SYT16: variants seen among roughly 807,000 people sequenced by gnomAD.
SYT16 encodes the protein synaptotagmin 16, also known as synaptotagmin-16.
SYT16 carries 42 observed loss-of-function variants against 61.4 expected under a neutral mutation model. That is an observed-to-expected ratio of 0.68 (90% CI 0.53 to 0.89). SYT16 has a LOEUF of 0.89. Among genes scored for constraint, SYT16 ranks in the 40% least tolerant of loss-of-function variants. The probability of loss-of-function intolerance (pLI) is 0.00; values close to 1 mark genes in which losing one functional copy is unlikely to be tolerated. For missense variants in SYT16, 804 were observed against 807.3 expected (o/e 1.00, Z 0.05); for synonymous variants, 314 against 302.3 (o/e 1.04, Z -0.40).
rs79106700 is a variant in SYT16 at position 62,023,449 on chromosome 14, A to G, written c.523+26907A>G. On this transcript the variant is annotated intron_variant, in intron 3 of 7. Coordinates refer to ENST00000683842, the MANE Select transcript of SYT16 (RefSeq NM_001367656.1). ...CCAGCTGCCAGCTTAGGAATTGGCCAACAACTTGGGGGAAATTTTTACTCA... is the reference window on the plus strand; with the variant it reads ...CCAGCTGCCAGCTTAGGAATTGGCCGACAACTTGGGGGAAATTTTTACTCA... Among the ~76,000 whole-genome samples the G allele has an allele frequency of 6.7e-3, 1,025 of 152,234 alleles. 15 individuals carry two copies. Among genetic ancestry groups the G allele is most frequent in the African/African-American group, 0.022 (917 of 41,552 alleles).
At chr14:61,891,448 G>A (rs1354317484) in intron 1 of SYT16, among the ~76,000 whole-genome samples, 2 of 152,160 alleles carry the variant, frequency 1.3e-5, no homozygotes, top group African/African-American at 4.8e-5. Flanking sequence ...GTTGACTCAT[G>A]TTGGATGATT....
In SYT16 at chr14:62,078,376, G is replaced by A. The variant is rs147138837; in HGVS notation, c.994-2458G>A. ...TGTCTGGGAATTTGATCTGGGCTTG[G>A]GGGGAGAGAGCGTGTTAGTTATTTA... On this transcript the variant is annotated intron_variant, in intron 5 of 7. Transcript: ENST00000683842. Among the ~76,000 whole-genome samples, 678 of 152,160 alleles carry A rather than the reference G, an allele frequency of 4.5e-3. 12 individuals are homozygous for A. The highest frequency in any genetic ancestry group is 0.015 in the African/African-American group (632 of 41,488).
chr14:62,106,417 G>A lies in SYT16; in HGVS notation c.*5710G>A, dbSNP rs1447051494. The A allele has an allele frequency of 6.6e-6, 1 of 152,132 alleles. No individual in the cohort carries two copies. Among genetic ancestry groups the A allele is most frequent in the Non-Finnish European group, 1.5e-5 (1 of 68,036 alleles). The allele number at this position is 152,132 out of a possible 1,614,324, so 9.4% of individuals were successfully genotyped here. The stretch of plus-strand genomic sequence containing the variant: ...GGTTGCATTATATGGGAAATTGGTG[G>A]GGATGGGGGTGTCATAGAATCATCA... On this transcript the variant is annotated 3_prime_UTR_variant, in exon 8 of 8. Coordinates refer to ENST00000683842, the MANE Select transcript of SYT16 (RefSeq NM_001367656.1).
At chr14:61,904,132 C>A (rs1458971155) in intron 1 of SYT16, among the ~76,000 whole-genome samples, 1 of 152,192 alleles carries the variant, frequency 6.6e-6, no homozygotes, top group Non-Finnish European at 1.5e-5. Context: ...TAACCAATAA[C>A]CTCTGGATAC....
intron 3 of SYT16, among the ~76,000 whole-genome samples, chr14:61,997,943 C>T (rs1313338693): frequency 6.6e-6 from 1 of 151,970 alleles, no homozygotes; most frequent in Non-Finnish European, 1.5e-5. Flanking sequence ...AGGGACCATG[C>T]CATAGATTCA....
At chr14:61,899,755 T>G (rs747152885) in intron 1 of SYT16, among the ~76,000 whole-genome samples, 7 of 152,084 alleles carry the variant, frequency 4.6e-5, no homozygotes, top group Non-Finnish European at 1.0e-4. Context: ...TGGGGAGCAA[T>G]TGGGCTCAGA....
chr14:61,949,926 C>G (rs2050603324), intron 1 of SYT16, among the ~76,000 whole-genome samples: 1 of 152,122 alleles, frequency 6.6e-6, no homozygotes, highest in African/African-American at 2.4e-5. Flanking sequence ...TAACACGGTG[C>G]CTGCAAAGCA....
chr14:61,905,285 G>T (rs928583963), intron 1 of SYT16, among the ~76,000 whole-genome samples: 10 of 151,794 alleles, frequency 6.6e-5, no homozygotes, highest in African/African-American at 2.4e-4. Context: ...TAAAACCTTT[G>T]TGTGAATGGA....
intron 3 of SYT16, among the ~76,000 whole-genome samples, chr14:62,001,964 C>A (rs2053036097): frequency 6.6e-6 from 1 of 152,096 alleles, no homozygotes; most frequent in South Asian, 2.1e-4. Context: ...CTCATCACTT[C>A]ATGTACATTC....
intron 1 of SYT16, among the ~76,000 whole-genome samples, chr14:61,901,350 C>A (rs1191917288): frequency 1.3e-5 from 2 of 152,150 alleles, no homozygotes; most frequent in East Asian, 3.8e-4. Flanking sequence ...TAATTACTTT[C>A]TATATATTCA....
At chr14:62,031,176 C>A (rs545317370) in intron 3 of SYT16, among the ~76,000 whole-genome samples, 3 of 152,134 alleles carry the variant, frequency 2.0e-5, no homozygotes, top group Non-Finnish European at 4.4e-5. Flanking sequence ...AAATGGAAGG[C>A]CACAATGCAT....
chr14:62,027,079 C>G (rs115496244), intron 3 of SYT16, among the ~76,000 whole-genome samples: 1,669 of 152,188 alleles, frequency 0.011, 37 homozygotes, highest in African/African-American at 0.038. Context: ...GTAAAACTAA[C>G]TTCTCTGTCA....
chr14:61,813,576 C>T (rs952581982), intron 1 of SYT16, among the ~76,000 whole-genome samples: 2 of 152,156 alleles, frequency 1.3e-5, no homozygotes, highest in African/African-American at 2.4e-5. Flanking sequence ...GTCCCTAGCA[C>T]AGGTGTGGCG....
At chr14:61,844,809 A>C (rs1303024033) in intron 1 of SYT16, among the ~76,000 whole-genome samples, 1 of 152,122 alleles carries the variant, frequency 6.6e-6, no homozygotes, top group Non-Finnish European at 1.5e-5. Context: ...GGACCTTTGC[A>C]TCAATATTCA....
At chr14:62,023,951 C>T (rs770631184) in intron 3 of SYT16, among the ~76,000 whole-genome samples, 13 of 151,856 alleles carry the variant, frequency 8.6e-5, no homozygotes, top group Non-Finnish European at 1.8e-4. Context: ...TATCAATTTC[C>T]CATAAAAACC....
chr14:61,856,928 C>G lies in SYT16; in HGVS notation c.-325+44118C>G, dbSNP rs373772429. Among the ~76,000 whole-genome samples, 127 of 152,108 alleles carry G rather than the reference C, an allele frequency of 8.3e-4. 4 individuals are homozygous for G. In the South Asian group the frequency reaches 0.025, roughly 30 times the overall value. ...ACACGATATTTAATATCCTAGAAGC[C>G]AAGAAAAATCTGCTTCAAAAAAGAG... On this transcript the variant is annotated intron_variant, in intron 1 of 7. Transcript: ENST00000683842.
intron 3 of SYT16, among the ~76,000 whole-genome samples, chr14:62,035,324 T>C (rs2054466135): frequency 6.6e-6 from 1 of 152,246 alleles, no homozygotes. Flanking sequence ...TTTCTATTTG[T>C]GCTGTGTACT....
chr14:61,987,304 A>G (rs1200828794), intron 2 of SYT16, among the ~76,000 whole-genome samples: 1 of 152,166 alleles, frequency 6.6e-6, no homozygotes, highest in Non-Finnish European at 1.5e-5. Flanking sequence ...GATGGAACCA[A>G]CCAGGGATGG....
At chr14:62,076,505 C>T (rs972057499) in intron 5 of SYT16, among the ~76,000 whole-genome samples, 1 of 151,396 alleles carries the variant, frequency 6.6e-6, no homozygotes, top group African/African-American at 2.4e-5. Context: ...AACATGTTGG[C>T]GTGTGTAGGT....
Sources: gnomAD v4.1 joint callset for allele counts (sites outside exome capture counted in the v4.1 genomes callset) on GRCh38, gnomAD v4.1.1 for gene constraint, MANE v1.5 for transcripts, NCBI Gene and HGNC (gene_info 2026-07-23, HGNC 2026-07-21) for gene names.